ZNRF3: variants seen among roughly 807,000 people sequenced by gnomAD.
The protein encoded by ZNRF3 is E3 ubiquitin-protein ligase ZNRF3.
Under a neutral mutation model 72.5 loss-of-function variants are expected in ZNRF3, and 23 were observed. That is an observed-to-expected ratio of 0.32 (90% CI 0.23 to 0.45). The LOEUF is 0.45. Among genes scored for constraint, ZNRF3 ranks in the 20% least tolerant of loss-of-function variants. The pLI, the probability that ZNRF3 is intolerant of heterozygous loss-of-function variation, is 1.00. For missense variants in ZNRF3, 1,169 were observed against 1,272.1 expected (o/e 0.92, Z 1.23); for synonymous variants, 610 against 545.3 (o/e 1.12, Z -1.65).
At chr22:29,051,345 G>C (rs909367037) in intron 8 of ZNRF3, among the ~76,000 whole-genome samples, 1 of 152,104 alleles carries the variant, frequency 6.6e-6, no homozygotes, top group African/African-American at 2.4e-5. Context: ...CCAGGAGTTG[G>C]AGACAGCCTG....
At chr22:29,044,712 G>A in intron 4 of ZNRF3, 68 bp from the exon 5 acceptor site, 1 of 1,095,176 alleles carries the variant, frequency 9.1e-7, no homozygotes, top group Non-Finnish European at 1.4e-6. Flanking sequence ...ACAAAGCCAA[G>A]ATAGCCCATG....
chr22:28,966,705 ATG>A (rs1489306028), intron 1 of ZNRF3, among the ~76,000 whole-genome samples: 1 of 152,110 alleles, frequency 6.6e-6, no homozygotes, highest in African/African-American at 2.4e-5. Flanking sequence ...CAGCTGTACA[ATG>A]TGTTTCTTAT....
chr22:28,999,203 G>A (rs1601646669), intron 2 of ZNRF3, among the ~76,000 whole-genome samples: 2 of 151,804 alleles, frequency 1.3e-5, no homozygotes. Flanking sequence ...GCATGGTGGT[G>A]GGTGCCTGTA....
chr22:28,904,168 C>T (rs557353112), intron 1 of ZNRF3, among the ~76,000 whole-genome samples: 5 of 152,278 alleles, frequency 3.3e-5, no homozygotes, highest in African/African-American at 1.2e-4. Context: ...CTTCACTCGG[C>T]CTCTGTCTTT....
chr22:29,038,969 G>T lies in ZNRF3; in HGVS notation c.427-3526G>T, dbSNP rs554472522. Among the ~76,000 whole-genome samples, 500 of 151,740 alleles carry T rather than the reference G, an allele frequency of 3.3e-3. 1 individual carries two copies. Among genetic ancestry groups the T allele is most frequent in the East Asian group, 8.8e-3 (45 of 5,138 alleles). The stretch of plus-strand genomic sequence containing the variant: ...TAAGCACCATATATATATATATAGA[G>T]AGAGAGAGAGAGACAGATTCAAACC... On this transcript the variant is annotated intron_variant, in intron 2 of 8. Transcript: ENST00000544604.
chr22:28,898,893 ATTGC>A (rs2034051400), intron 1 of ZNRF3, among the ~76,000 whole-genome samples: 1 of 98,334 alleles, frequency 1.0e-5, no homozygotes, highest in Admixed American at 1.0e-4. Flanking sequence ...TTATTGAATT[ATTGC>A]TTAGTTCTGT....
In ZNRF3 at chr22:29,050,328, C is replaced by T. The variant is rs564582974; in HGVS notation, c.2147C>T (p.Pro716Leu). 5.0e-6 allele frequency: 8 copies of T among 1,600,536 alleles called. No homozygotes were observed. The East Asian group carries it at 1.8e-4, about 36-fold the overall frequency. ...ELPSCACCCE[P>L]QPSPAGPSAG... is the part of the protein sequence containing the mutation. ...CCGTCGTGTGCCTGCTGCTGCGAGC[C>T]CCAGCCCTCCCCAGCCGGGCCTAGC... The change falls in exon 8 of 9, where the codon CCC (proline) becomes CTC (leucine). Residue 716 changes from proline to leucine, a missense_variant. Coordinates refer to ENST00000544604, the MANE Select transcript of ZNRF3 (RefSeq NM_001206998.2).
intron 1 of ZNRF3, among the ~76,000 whole-genome samples, chr22:28,953,445 C>T (rs182800116): frequency 2.1e-4 from 32 of 152,316 alleles, no homozygotes; most frequent in Non-Finnish European, 1.9e-4. Flanking sequence ...TTAAAATCGC[C>T]TGGAGGCCAA....
At chr22:28,886,878 C>A (rs757182497) in intron 1 of ZNRF3, among the ~76,000 whole-genome samples, 14 of 152,016 alleles carry the variant, frequency 9.2e-5, no homozygotes, top group African/African-American at 7.2e-5. Context: ...ATTGCTTGAG[C>A]CTGGGAGGCT....
chr22:28,945,465 G>T (rs1300565316), intron 1 of ZNRF3, among the ~76,000 whole-genome samples: 4 of 152,052 alleles, frequency 2.6e-5, no homozygotes, highest in Non-Finnish European at 4.4e-5. Flanking sequence ...GCCAAGGAGG[G>T]TGGATGGCTT....
intron 1 of ZNRF3, among the ~76,000 whole-genome samples, chr22:28,963,814 T>C (rs2035409330): frequency 6.6e-6 from 1 of 152,100 alleles, no homozygotes; most frequent in African/African-American, 2.4e-5. Flanking sequence ...ACTGGGAAGG[T>C]CATAACCCAG....
At chr22:28,958,065 G>A (rs989422685) in intron 1 of ZNRF3, among the ~76,000 whole-genome samples, 2 of 152,236 alleles carry the variant, frequency 1.3e-5, no homozygotes, top group South Asian at 2.1e-4. Context: ...GCTTGTGCCT[G>A]TAGTCCCAGC....
At chr22:29,038,291 T>C (rs2036899953) in intron 2 of ZNRF3, among the ~76,000 whole-genome samples, 1 of 151,738 alleles carries the variant, frequency 6.6e-6, no homozygotes, top group Non-Finnish European at 1.5e-5. Context: ...ATTTTTAAAC[T>C]GAAAATAAGG....
At chr22:28,886,027 C>T (rs1313579438) in intron 1 of ZNRF3, among the ~76,000 whole-genome samples, 1 of 151,706 alleles carries the variant, frequency 6.6e-6, no homozygotes, top group Non-Finnish European at 1.5e-5. Flanking sequence ...GTCCTTAATT[C>T]CCTTATAGCT....
At chr22:29,047,237 A>G (rs1314140129) in intron 6 of ZNRF3, among the ~76,000 whole-genome samples, 1 of 152,226 alleles carries the variant, frequency 6.6e-6, no homozygotes, top group Non-Finnish European at 1.5e-5. Flanking sequence ...AGCCTGGACA[A>G]CAGAGTGAGA....
intron 1 of ZNRF3, among the ~76,000 whole-genome samples, chr22:28,973,506 A>G (rs2035612469): frequency 1.3e-5 from 2 of 152,160 alleles, no homozygotes; most frequent in African/African-American, 4.8e-5. Flanking sequence ...TGACTCTTCT[A>G]AGGTCACACA....
chr22:29,021,478 CCTT>C (rs2036538200), intron 2 of ZNRF3, among the ~76,000 whole-genome samples: 1 of 142,280 alleles, frequency 7.0e-6, no homozygotes, highest in Non-Finnish European at 1.5e-5. Flanking sequence ...TCCCCTCACT[CCTT>C]GTTTTAATCT....
chr22:28,972,963 G>T (rs1311801441), intron 1 of ZNRF3, among the ~76,000 whole-genome samples: 1 of 152,156 alleles, frequency 6.6e-6, no homozygotes, highest in Non-Finnish European at 1.5e-5. Context: ...ATTTTCTTCT[G>T]TGGGTTTTAT....
intron 1 of ZNRF3, among the ~76,000 whole-genome samples, chr22:28,978,275 C>T (rs910819029): frequency 2.6e-5 from 4 of 152,192 alleles, no homozygotes; most frequent in Non-Finnish European, 5.9e-5. Context: ...TCAGAACAAT[C>T]ACCCTGGTTA....
Sources: gnomAD v4.1 joint callset for allele counts (sites outside exome capture counted in the v4.1 genomes callset) on GRCh38, gnomAD v4.1.1 for gene constraint, MANE v1.5 for transcripts, NCBI Gene and HGNC (gene_info 2026-07-23, HGNC 2026-07-21) for gene names.